The following SH3BP5 variants were observed in gnomAD, a reference collection of about 807,000 sequenced individuals.
The protein encoded by SH3BP5 is SH3 domain binding protein 5.
SH3BP5 carries 22 observed loss-of-function variants against 43.3 expected under a neutral mutation model. The observed-to-expected ratio is 0.51, with a 90% CI of 0.36 to 0.73. SH3BP5 has a LOEUF of 0.73. Ranked by LOEUF, SH3BP5 falls within the 30% of genes least tolerant of loss-of-function variation. The pLI is 0.00. For synonymous variants in SH3BP5, 255 were observed against 225.8 expected (o/e 1.13, Z -1.16); for missense variants, 529 against 586.9 (o/e 0.90, Z 1.02).
chr3:15,289,744 C>T (rs1697360186), intron 3 of SH3BP5, among the ~76,000 whole-genome samples: 1 of 152,142 alleles, frequency 6.6e-6, no homozygotes, highest in African/African-American at 2.4e-5. Context: ...TGGGGCTAGG[C>T]AGAAGAGGAG....
chr3:15,290,652 T>C (rs1392750134), intron 3 of SH3BP5, among the ~76,000 whole-genome samples: 3 of 151,374 alleles, frequency 2.0e-5, no homozygotes, highest in Admixed American at 6.6e-5. Context: ...TGAACTGAGA[T>C]CGTGCCACTG....
intron 3 of SH3BP5, among the ~76,000 whole-genome samples, chr3:15,300,545 G>A (rs1043617031): frequency 3.3e-5 from 5 of 152,068 alleles, no homozygotes; most frequent in Non-Finnish European, 7.4e-5. Flanking sequence ...GTCCTACTTG[G>A]CAGCATCTGG....
intron 5 of SH3BP5, among the ~76,000 whole-genome samples, chr3:15,261,555 A>G (rs1314563012): frequency 3.3e-5 from 5 of 152,184 alleles, no homozygotes; most frequent in Non-Finnish European, 7.3e-5. Context: ...CTAGGTCATC[A>G]TAAGTCCTCC....
At chr3:15,278,353 A>G (rs1324024190) in intron 3 of SH3BP5, among the ~76,000 whole-genome samples, 1 of 152,248 alleles carries the variant, frequency 6.6e-6, no homozygotes, top group Non-Finnish European at 1.5e-5. Flanking sequence ...GACAAACATC[A>G]AAATGGACAA....
chr3:15,259,413 A>G (rs140734201), intron 6 of SH3BP5: 2 of 516,140 alleles, frequency 3.9e-6, no homozygotes, highest in Non-Finnish European at 7.0e-6. Flanking sequence ...CTTGGGTGTT[A>G]AGACTCAGCT....
intron 2 of SH3BP5, among the ~76,000 whole-genome samples, chr3:15,319,852 A>G (rs1698276307): frequency 6.6e-6 from 1 of 152,134 alleles, no homozygotes; most frequent in Non-Finnish European, 1.5e-5. Context: ...TGACTGCATA[A>G]AACTCCTCAA....
intron 1 of SH3BP5, among the ~76,000 whole-genome samples, chr3:15,338,004 A>G (rs1698722567): frequency 6.6e-6 from 1 of 151,670 alleles, no homozygotes; most frequent in African/African-American, 2.4e-5. Context: ...TCAAATTTCA[A>G]TGCCATTTAA....
chr3:15,295,421 T>C (rs1464806943), intron 3 of SH3BP5, among the ~76,000 whole-genome samples: 1 of 152,188 alleles, frequency 6.6e-6, no homozygotes, highest in African/African-American at 2.4e-5. Context: ...TGTACACAAG[T>C]GTCCTTTCCT....
rs143315674 is a variant in SH3BP5, at chr3:15,300,175, G to A, written c.330+3928C>T. 1.1e-3 allele frequency among the ~76,000 whole-genome samples: 161 copies of A among 152,050 alleles called. 2 individuals carry two copies. Among genetic ancestry groups the A allele is most frequent in the African/African-American group, 3.6e-3 (151 of 41,438 alleles). On this transcript the variant is annotated intron_variant, in intron 3 of 8. Transcript: ENST00000383791. ...AAAAATATGGGATATACATCAAATA[G>A]TAAGAGAAGGTACTAGGATTATTTT...
At chr3:15,293,804 G>A (rs556624383) in intron 3 of SH3BP5, among the ~76,000 whole-genome samples, 8 of 152,224 alleles carry the variant, frequency 5.3e-5, no homozygotes, top group African/African-American at 1.4e-4. Context: ...CAGGCCGGAC[G>A]CAGTGGCTCA....
In SH3BP5 at chr3:15,317,551, G is replaced by A. The variant is rs143335664; in HGVS notation, c.201+12953C>T. On this transcript the variant is annotated intron_variant, in intron 2 of 8. Transcript: ENST00000383791. ...TAGGGGTGCGGGGGAGTGAGGTAGA[G>A]GACTTTCATTTTTCATTATAACTTA... is the stretch of plus-strand genomic sequence containing the variant. Among the ~76,000 whole-genome samples, 55 of 152,244 alleles carry A rather than the reference G, an allele frequency of 3.6e-4. No individual in the cohort carries two copies. The East Asian group carries it at 0.011, about 29-fold the overall frequency.
At position 15,256,191 on chromosome 3, in the gene SH3BP5, G is replaced by A; in HGVS notation, c.1263C>T (p.Ser421=). ...GGSSKSQSST[S]PEGQALENRM... ...GGTTCTCCAAGGCCTGGCCCTCAGG[G>A]GAGGTGCTGCTTTGGCTCTTACTGC... The change falls in exon 9 of 9, where the codon TCC becomes TCT. Residue 421 remains serine, a synonymous_variant. Transcript: ENST00000383791. 6.2e-7 allele frequency: 1 copy of A among 1,614,182 alleles called. No homozygotes were observed. Among genetic ancestry groups the A allele is most frequent in the Non-Finnish European group, 8.5e-7 (1 of 1,180,006 alleles).
chr3:15,286,667 C>T (rs1386100783), intron 3 of SH3BP5, among the ~76,000 whole-genome samples: 1 of 152,192 alleles, frequency 6.6e-6, no homozygotes, highest in East Asian at 1.9e-4. Context: ...GATCCCACCA[C>T]CTTAGCCTCC....
At chr3:15,307,068 C>T (rs1360908599) in intron 2 of SH3BP5, among the ~76,000 whole-genome samples, 1 of 152,138 alleles carries the variant, frequency 6.6e-6, no homozygotes, top group East Asian at 1.9e-4. Flanking sequence ...AAGCTGTTGG[C>T]TTGCTAGTGG....
At chr3:15,290,379 A>G (rs1697378042) in intron 3 of SH3BP5, among the ~76,000 whole-genome samples, 1 of 151,614 alleles carries the variant, frequency 6.6e-6, no homozygotes, top group Admixed American at 6.6e-5. Flanking sequence ...ACAAAAAATT[A>G]GCTGGGCATG....
intron 5 of SH3BP5, among the ~76,000 whole-genome samples, chr3:15,261,649 A>G (rs1696442262): frequency 6.6e-6 from 1 of 151,984 alleles, no homozygotes; most frequent in Non-Finnish European, 1.5e-5. Context: ...CCTGCCCACC[A>G]TTATCAATGT....
upstream of SH3BP5, among the ~76,000 whole-genome samples, chr3:15,334,023 A>G (rs1200315838): frequency 6.6e-6 from 1 of 152,186 alleles, no homozygotes; most frequent in Non-Finnish European, 1.5e-5. Flanking sequence ...CTAGCTCTGA[A>G]TGAACTGAGA....
intron 1 of SH3BP5, among the ~76,000 whole-genome samples, chr3:15,340,148 C>T (rs764765139): frequency 6.6e-6 from 1 of 151,784 alleles, no homozygotes; most frequent in Non-Finnish European, 1.5e-5. Context: ...AGGAAATAGG[C>T]AAGATAGACA....
Position 15,324,404 on chromosome 3 carries a change from C to A in SH3BP5, c.201+6100G>T, listed in dbSNP as rs896650458. ...GACGTGCCTGATTATTTGTTGACCACCCTGGTCCCCAGTGCCCCACACAGG... is the reference window on the plus strand; with the variant it reads ...GACGTGCCTGATTATTTGTTGACCAACCTGGTCCCCAGTGCCCCACACAGG... On this transcript the variant is annotated intron_variant, in intron 2 of 8. Coordinates refer to ENST00000383791, the MANE Select transcript of SH3BP5 (RefSeq NM_004844.5). Among the ~76,000 whole-genome samples, 11 of 152,346 alleles carry A rather than the reference C, an allele frequency of 7.2e-5. No individual in the cohort carries two copies. In the South Asian group the frequency reaches 2.3e-3, roughly 32 times the overall value.
Sources: allele counts gnomAD v4.1 joint callset (sites outside exome capture counted in the v4.1 genomes callset), GRCh38; gene constraint gnomAD v4.1.1; transcripts MANE v1.5; gene names NCBI Gene and HGNC (gene_info 2026-07-23, HGNC 2026-07-21).